PRELID2: variants seen among roughly 807,000 people sequenced by gnomAD.
The protein encoded by PRELID2 is PRELI domain containing 2, also known as PRELI domain-containing protein 2.
Under a neutral mutation model 28.4 loss-of-function variants are expected in PRELID2, and 25 were observed. The observed-to-expected ratio is 0.88, with a 90% CI of 0.64 to 1.23. The LOEUF is 1.23. PRELID2 is among the 50% of genes most tolerant of loss of function. The probability of loss-of-function intolerance (pLI) is 0.00; values close to 1 mark genes in which losing one functional copy is unlikely to be tolerated. For synonymous variants in PRELID2, 76 were observed against 71.6 expected (o/e 1.06, Z -0.31); for missense variants, 201 against 214.4 (o/e 0.94, Z 0.39).
At chr5:145,815,819 T>C (rs1347207730) in intron 4 of PRELID2, among the ~76,000 whole-genome samples, 1 of 152,228 alleles carries the variant, frequency 6.6e-6, no homozygotes, top group Non-Finnish European at 1.5e-5. Context: ...TTGATGGACA[T>C]TGGCTTGTTT....
At chr5:145,331,876 A>G in the PRELID2 span, among the ~76,000 whole-genome samples, 1 of 152,112 alleles carries the variant, frequency 6.6e-6, no homozygotes, top group Non-Finnish European at 1.5e-5. Context: ...GATGGTCTTT[A>G]CAATTTGGCA....
At chr5:145,514,790 G>C (rs1481693732) in intron 1 of PRELID2, among the ~76,000 whole-genome samples, 1 of 151,966 alleles carries the variant, frequency 6.6e-6, no homozygotes, top group Non-Finnish European at 1.5e-5. Flanking sequence ...GAAAGAAAAG[G>C]AAATCATAAC....
At chr5:145,231,205 T>C in the PRELID2 span, among the ~76,000 whole-genome samples, 17 of 152,314 alleles carry the variant, frequency 1.1e-4, no homozygotes, top group African/African-American at 3.8e-4. Context: ...GTCCTAAAGA[T>C]GATCCACTCT....
At chr5:145,535,157 T>C (rs144913487) in intron 1 of PRELID2, among the ~76,000 whole-genome samples, 4 of 151,968 alleles carry the variant, frequency 2.6e-5, no homozygotes, top group African/African-American at 2.4e-5. Flanking sequence ...ATTGATTAAA[T>C]CATACTTAAA....
chr5:145,450,194 A>G, the PRELID2 span, among the ~76,000 whole-genome samples: 2 of 152,304 alleles, frequency 1.3e-5, no homozygotes, highest in South Asian at 4.1e-4. Context: ...ATGGGAAACC[A>G]TAGAAAAATG....
At chr5:145,672,153 C>A (rs1754719977) in intron 1 of PRELID2, among the ~76,000 whole-genome samples, 1 of 152,120 alleles carries the variant, frequency 6.6e-6, no homozygotes, top group African/African-American at 2.4e-5. Context: ...TCCCCTCTTG[C>A]CCTTGTTCTG....
At chr5:145,726,382 ATACTC>A (rs1332460984) in intron 1 of PRELID2, among the ~76,000 whole-genome samples, 2 of 152,150 alleles carry the variant, frequency 1.3e-5, no homozygotes, top group Admixed American at 6.6e-5. Flanking sequence ...TCTCAAGTAA[ATACTC>A]TAAGCAAAAG....
At chr5:145,652,061 G>T (rs549055288) in intron 1 of PRELID2, among the ~76,000 whole-genome samples, 1 of 152,192 alleles carries the variant, frequency 6.6e-6, no homozygotes, top group Non-Finnish European at 1.5e-5. Flanking sequence ...GTCCTTAAAA[G>T]ACCTGATGGA....
At chr5:145,563,186 T>G (rs928869216) in intron 1 of PRELID2, among the ~76,000 whole-genome samples, 3 of 152,244 alleles carry the variant, frequency 2.0e-5, no homozygotes, top group African/African-American at 7.2e-5. Flanking sequence ...CTGGAACTTT[T>G]GATATCACCG....
intron 1 of PRELID2, among the ~76,000 whole-genome samples, chr5:145,483,251 C>A (rs932162267): frequency 1.3e-5 from 2 of 152,082 alleles, no homozygotes; most frequent in African/African-American, 4.8e-5. Context: ...GGGACTTGCT[C>A]AAGCAGTAGA....
chr5:145,552,758 A>G (rs1214744398), intron 1 of PRELID2, among the ~76,000 whole-genome samples: 3 of 152,224 alleles, frequency 2.0e-5, no homozygotes, highest in Non-Finnish European at 4.4e-5. Context: ...ACGTCTTATC[A>G]ACACAATTGA....
chr5:145,661,276 T>C (rs1754487396), intron 1 of PRELID2, among the ~76,000 whole-genome samples: 1 of 152,226 alleles, frequency 6.6e-6, no homozygotes, highest in South Asian at 2.1e-4. Flanking sequence ...CTGCTTTTCC[T>C]TACGTTTCAG....
chr5:145,743,852 T>C (rs893812583), intron 1 of PRELID2, among the ~76,000 whole-genome samples: 1 of 152,196 alleles, frequency 6.6e-6, no homozygotes, highest in Non-Finnish European at 1.5e-5. Flanking sequence ...CTGCCTGCTG[T>C]CTAAGCCATT....
the PRELID2 span, among the ~76,000 whole-genome samples, chr5:145,449,469 C>T: frequency 6.6e-6 from 1 of 152,104 alleles, no homozygotes; most frequent in South Asian, 2.1e-4. Flanking sequence ...TTCTCTCCTT[C>T]TCTGCTGCTC....
chr5:145,750,144 C>G (rs767687987), intron 1 of PRELID2, among the ~76,000 whole-genome samples: 48 of 151,412 alleles, frequency 3.2e-4, no homozygotes, highest in Non-Finnish European at 5.9e-4. Context: ...CTCCCCCAAA[C>G]AGAAATCACC....
intron 1 of PRELID2, among the ~76,000 whole-genome samples, chr5:145,714,350 C>A (rs1755786157): frequency 1.3e-5 from 2 of 152,110 alleles, no homozygotes; most frequent in African/African-American, 4.8e-5. Context: ...AAGAAGAACT[C>A]CCCATGGGAC....
At chr5:145,452,928 G>A in the PRELID2 span, among the ~76,000 whole-genome samples, 2 of 152,150 alleles carry the variant, frequency 1.3e-5, no homozygotes, top group African/African-American at 2.4e-5. Context: ...TCCTCTTGCT[G>A]AAAACTCTAA....
the PRELID2 span, among the ~76,000 whole-genome samples, chr5:145,290,422 A>G: frequency 8.5e-5 from 13 of 152,072 alleles, no homozygotes; most frequent in Non-Finnish European, 1.2e-4. Flanking sequence ...ATGCAGCCAT[A>G]AAAAAGGATG....
intron 1 of PRELID2, among the ~76,000 whole-genome samples, chr5:145,733,198 G>A (rs1756397645): frequency 6.6e-6 from 1 of 152,048 alleles, no homozygotes; most frequent in African/African-American, 2.4e-5. Flanking sequence ...GAAGGTCAAG[G>A]CTGCAGTGAG....
Sources: gnomAD v4.1 joint callset for allele counts (sites outside exome capture counted in the v4.1 genomes callset) on GRCh38, gnomAD v4.1.1 for gene constraint, MANE v1.5 for transcripts, NCBI Gene and HGNC (gene_info 2026-07-23, HGNC 2026-07-21) for gene names.